Variants in PDE1C observed in about 807,000 individuals in gnomAD.
PDE1C encodes dual specificity calcium/calmodulin-dependent 3',5'-cyclic nucleotide phosphodiesterase 1C.
PDE1C carries 62 observed loss-of-function variants against 93.1 expected under a neutral mutation model. That is an observed-to-expected ratio of 0.67 (90% CI 0.54 to 0.82). The LOEUF (loss-of-function observed/expected upper bound fraction) is 0.82, where lower values mean the gene tolerates loss of function less well. PDE1C is among the 40% of genes least tolerant of loss of function. PDE1C has a pLI of 0.00. For synonymous variants in PDE1C, 325 were observed against 310.1 expected (o/e 1.05, Z -0.50); for missense variants, 742 against 884.6 (o/e 0.84, Z 2.04).
At chr7:32,041,390 A>C (rs188047028) in intron 2 of PDE1C, among the ~76,000 whole-genome samples, 10 of 152,238 alleles carry the variant, frequency 6.6e-5, no homozygotes, top group Non-Finnish European at 1.5e-4. Flanking sequence ...TCATCTTGCC[A>C]TACTCCCTCC....
intron 3 of PDE1C, among the ~76,000 whole-genome samples, chr7:32,098,957 T>C (rs1358766212): frequency 6.6e-6 from 1 of 152,236 alleles, no homozygotes; most frequent in Admixed American, 6.5e-5. Flanking sequence ...GGTTGCACAA[T>C]AGTGTGAATG....
At chr7:32,360,249 C>A (rs1011563713) in intron 1 of PDE1C, among the ~76,000 whole-genome samples, 3 of 152,126 alleles carry the variant, frequency 2.0e-5, no homozygotes, top group Non-Finnish European at 4.4e-5. Context: ...ATTGTCTTTG[C>A]GATCTATAAA....
At chr7:31,690,215 G>A in the PDE1C span, among the ~76,000 whole-genome samples, 6 of 152,214 alleles carry the variant, frequency 3.9e-5, no homozygotes, top group African/African-American at 1.4e-4. Context: ...TATACAACGG[G>A]TCTTCCTTAG....
At chr7:32,190,864 C>T (rs1222756679) in intron 2 of PDE1C, among the ~76,000 whole-genome samples, 1 of 151,888 alleles carries the variant, frequency 6.6e-6, no homozygotes, top group Non-Finnish European at 1.5e-5. Context: ...GGGAGTCAGG[C>T]CAGGCTTTGT....
intron 2 of PDE1C, among the ~76,000 whole-genome samples, chr7:31,898,023 TGTGTGTGTGTGTG>T (rs1799525512): frequency 3.7e-5 from 1 of 26,818 alleles, no homozygotes; most frequent in Non-Finnish European, 1.1e-4. Context: ...GGTTTCTTTG[TGTGTGTGTGTGTG>T]TGTGTGTGTG....
At chr7:31,906,152 T>C (rs1247143221) in intron 2 of PDE1C, among the ~76,000 whole-genome samples, 2 of 152,194 alleles carry the variant, frequency 1.3e-5, no homozygotes, top group Non-Finnish European at 2.9e-5. Context: ...ATCTTCACAT[T>C]TGAAACCATT....
chr7:32,060,209 A>G (rs1378268086), intron 1 of PDE1C, among the ~76,000 whole-genome samples: 1 of 152,206 alleles, frequency 6.6e-6, no homozygotes, highest in Non-Finnish European at 1.5e-5. Flanking sequence ...TTTAGCCAGA[A>G]CAAAAACTGT....
At chr7:32,327,545 G>A (rs888966275) in intron 1 of PDE1C, among the ~76,000 whole-genome samples, 7 of 152,094 alleles carry the variant, frequency 4.6e-5, no homozygotes, top group African/African-American at 1.4e-4. Flanking sequence ...GAAGTGGGTG[G>A]ATCACGAGAT....
chr7:31,621,231 C>T, the PDE1C span, among the ~76,000 whole-genome samples: 16 of 151,776 alleles, frequency 1.1e-4, no homozygotes, highest in Non-Finnish European at 2.2e-4. Flanking sequence ...GGCAGGCCAA[C>T]GTTCAGATTC....
chr7:31,667,067 T>C, the PDE1C span, among the ~76,000 whole-genome samples: 3 of 151,950 alleles, frequency 2.0e-5, no homozygotes, highest in African/African-American at 7.3e-5. Context: ...ATTAGGGACA[T>C]GGATACGGGG....
At chr7:31,720,614 G>A in the PDE1C span, among the ~76,000 whole-genome samples, 1 of 152,166 alleles carries the variant, frequency 6.6e-6, no homozygotes, top group Non-Finnish European at 1.5e-5. Context: ...CTCCCATAGA[G>A]CAATGCAAAA....
chr7:32,025,122 C>T (rs1464095670), intron 2 of PDE1C, among the ~76,000 whole-genome samples: 6 of 152,226 alleles, frequency 3.9e-5, no homozygotes, highest in African/African-American at 1.4e-4. Flanking sequence ...GCACACAGAG[C>T]AGAATCTGGG....
rs540802522 is a variant in PDE1C at position 31,845,889 on chromosome 7, A to T, written c.980+2079T>A. ...ATGCCTGTAGTCCCAGCTACTTGTG[A>T]GACTGAGGCAGGAGAATCGCTTGAA... On this transcript the variant is annotated intron_variant, in intron 9 of 17. Coordinates refer to ENST00000396191, the MANE Select transcript of PDE1C (RefSeq NM_001191057.4). 2.0e-5 allele frequency among the ~76,000 whole-genome samples: 3 copies of T among 152,174 alleles called. No homozygotes were observed. In the East Asian group the frequency reaches 5.8e-4, roughly 30 times the overall value.
the PDE1C span, among the ~76,000 whole-genome samples, chr7:31,685,159 G>A: frequency 6.6e-6 from 1 of 151,768 alleles, no homozygotes; most frequent in African/African-American, 2.4e-5. Context: ...GCTACCTACT[G>A]TATTATTCCA....
the PDE1C span, among the ~76,000 whole-genome samples, chr7:31,648,270 T>C: frequency 4.6e-5 from 7 of 152,128 alleles, no homozygotes; most frequent in African/African-American, 1.7e-4. Context: ...TGGGTTTGGG[T>C]CAGTAGAGCA....
chr7:31,833,299 T>C (rs1294898028), intron 11 of PDE1C, among the ~76,000 whole-genome samples: 1 of 152,156 alleles, frequency 6.6e-6, no homozygotes, highest in Admixed American at 6.6e-5. Flanking sequence ...AATTACCCAG[T>C]CTTGGGTATT....
the PDE1C span, among the ~76,000 whole-genome samples, chr7:31,735,525 G>C: frequency 1.3e-5 from 2 of 152,178 alleles, no homozygotes; most frequent in Admixed American, 6.5e-5. Context: ...GCTGGGGTCA[G>C]ACTTCAGATC....
At chr7:32,037,247 G>C (rs574693332) in intron 2 of PDE1C, among the ~76,000 whole-genome samples, 51 of 152,064 alleles carry the variant, frequency 3.4e-4, no homozygotes, top group Non-Finnish European at 6.3e-4. Context: ...TAGCCCAAAT[G>C]GCCACACTGC....
the PDE1C span, among the ~76,000 whole-genome samples, chr7:31,683,434 C>T: frequency 5.2e-4 from 70 of 134,142 alleles, no homozygotes; most frequent in Non-Finnish European, 9.6e-4. Context: ...TATTTTTTTT[C>T]AGTGAAATGA....
Sources: gnomAD v4.1 joint callset for allele counts (sites outside exome capture counted in the v4.1 genomes callset) on GRCh38, gnomAD v4.1.1 for gene constraint, MANE v1.5 for transcripts, NCBI Gene and HGNC (gene_info 2026-07-23, HGNC 2026-07-21) for gene names.